TGFB2: variants seen among roughly 807,000 people sequenced by gnomAD.
TGFB2 encodes transforming growth factor beta 2, also known as transforming growth factor beta-2 proprotein.
In TGFB2, 13 loss-of-function variants were observed where a neutral mutation model predicts 42.7. The ratio of observed to expected loss-of-function variants is 0.30; its 90% CI spans 0.20 to 0.48. The LOEUF (loss-of-function observed/expected upper bound fraction) is 0.48. Among genes scored for constraint, TGFB2 ranks in the 20% least tolerant of loss-of-function variants. TGFB2 has a pLI of 0.99. For synonymous variants in TGFB2, 193 were observed against 193.6 expected (o/e 1.00, Z 0.03); for missense variants, 390 against 517.5 (o/e 0.75, Z 2.39).
chr1:218,405,343 TTTGTTGTTGTTGTTG>T lies in TGFB2; in HGVS notation c.510+29_510+43del, dbSNP rs10482769. 4.0e-6 allele frequency: 6 copies of T among 1,507,256 alleles called. No individual in the cohort carries two copies. The highest frequency in any genetic ancestry group is 3.6e-5 in the South Asian group (3 of 82,314). The allele number at this position is 1,507,256 out of a possible 1,614,324, so 93.4% of individuals were successfully genotyped here. Reference sequence around the variant, plus strand: ...ATTGAGCTATATCAGGTAATGTTCATTTGTTGTTGTTGTTGTTGTTGTTGTTGTTGTTTTAGACAG... The same window carrying T: ...ATTGAGCTATATCAGGTAATGTTCATTTGTTGTTGTTGTTGTTTTAGACAG... On this transcript the variant is annotated intron_variant, in intron 2 of 6. Coordinates refer to ENST00000366930, the MANE Select transcript of TGFB2 (RefSeq NM_003238.6).
At chr1:218,439,146 A>G (rs1408082723) in intron 6 of TGFB2, among the ~76,000 whole-genome samples, 1 of 151,066 alleles carries the variant, frequency 6.6e-6, no homozygotes, top group Non-Finnish European at 1.5e-5. Context: ...GGTCTAGATC[A>G]TGTAGTCTAG....
rs75705887 is a variant in TGFB2, at chr1:218,367,200, T to C, written c.346+20153T>C. 7.9e-5 allele frequency among the ~76,000 whole-genome samples: 12 copies of C among 152,232 alleles called. No individual in the cohort carries two copies. In the East Asian group the frequency reaches 1.7e-3, roughly 22 times the overall value. On this transcript the variant is annotated intron_variant, in intron 1 of 6. Coordinates refer to ENST00000366930, the MANE Select transcript of TGFB2 (RefSeq NM_003238.6). ...TAAGTGACACATACCATGTATAAGGTAATATGTAATTCCCTGAGGTAGCAT... is the reference window on the plus strand; with the variant it reads ...TAAGTGACACATACCATGTATAAGGCAATATGTAATTCCCTGAGGTAGCAT...
At chr1:218,388,297 G>T (rs1487106035) in intron 1 of TGFB2, among the ~76,000 whole-genome samples, 2 of 152,192 alleles carry the variant, frequency 1.3e-5, no homozygotes, top group Non-Finnish European at 2.9e-5. Flanking sequence ...CCTGCGTCAG[G>T]CCATCCTGAG....
At chr1:218,370,597 A>G (rs1657539807) in intron 1 of TGFB2, among the ~76,000 whole-genome samples, 1 of 152,182 alleles carries the variant, frequency 6.6e-6, no homozygotes, top group Admixed American at 6.5e-5. Context: ...ATTTGGCATT[A>G]TTTTATAAGC....
chr1:218,421,902 G>T (rs1455449580), intron 2 of TGFB2, among the ~76,000 whole-genome samples: 4 of 152,108 alleles, frequency 2.6e-5, no homozygotes, highest in African/African-American at 9.7e-5. Context: ...ACCAAAAATT[G>T]CCAGCAAACC....
chr1:218,395,188 A>G (rs1571866052), intron 1 of TGFB2, among the ~76,000 whole-genome samples: 1 of 152,288 alleles, frequency 6.6e-6, no homozygotes, highest in East Asian at 1.9e-4. Flanking sequence ...CTAGGCACCA[A>G]TGTATGGGGA....
At chr1:218,353,210 C>A (rs1240019975) in intron 1 of TGFB2, among the ~76,000 whole-genome samples, 2 of 152,184 alleles carry the variant, frequency 1.3e-5, no homozygotes, top group East Asian at 1.9e-4. Context: ...TGTCTTGGAA[C>A]CTCCAGCTCA....
intron 2 of TGFB2, among the ~76,000 whole-genome samples, chr1:218,408,300 G>A (rs576580222): frequency 6.6e-6 from 1 of 152,220 alleles, no homozygotes; most frequent in East Asian, 1.9e-4. Flanking sequence ...GCAACTTAGA[G>A]GACCTTAGTG....
At chr1:218,438,757 T>C (rs928613466) in intron 6 of TGFB2, among the ~76,000 whole-genome samples, 34 of 152,196 alleles carry the variant, frequency 2.2e-4, no homozygotes, top group African/African-American at 8.2e-4. Flanking sequence ...TTCCTCTTGA[T>C]GGCTCATCAG....
intron 1 of TGFB2, among the ~76,000 whole-genome samples, chr1:218,393,131 C>T (rs1658372192): frequency 6.6e-6 from 1 of 152,144 alleles, no homozygotes; most frequent in Non-Finnish European, 1.5e-5. Context: ...ACCCATTAAG[C>T]ATGTCAAAAG....
chr1:218,435,891 T>G (rs955377243), intron 4 of TGFB2, 79 bp from the exon 5 acceptor site: 5 of 1,442,702 alleles, frequency 3.5e-6, no homozygotes, highest in Admixed American at 4.2e-5. Context: ...TGTGACAATA[T>G]ACAAAGGAAA....
chr1:218,396,886 A>C (rs1658529102), intron 1 of TGFB2, among the ~76,000 whole-genome samples: 1 of 152,170 alleles, frequency 6.6e-6, no homozygotes, highest in Admixed American at 6.5e-5. Flanking sequence ...TCATAGAGGA[A>C]TCCTATTTTT....
intron 1 of TGFB2, among the ~76,000 whole-genome samples, chr1:218,390,194 G>A (rs184178515): frequency 5.3e-5 from 8 of 151,980 alleles, no homozygotes; most frequent in African/African-American, 1.4e-4. Flanking sequence ...CCCCCACCCC[G>A]GTCTACACAA....
chr1:218,422,872 A>G (rs549625192), intron 2 of TGFB2, among the ~76,000 whole-genome samples: 95 of 152,332 alleles, frequency 6.2e-4, no homozygotes, highest in African/African-American at 2.2e-3. Context: ...GAGGTATAAA[A>G]TAAAATCAAA....
intron 2 of TGFB2, among the ~76,000 whole-genome samples, chr1:218,418,927 A>G (rs538648260): frequency 7.2e-5 from 11 of 152,212 alleles, no homozygotes; most frequent in Admixed American, 2.0e-4. Context: ...AGTCCAATAA[A>G]CCTTTTTATT....
At chr1:218,366,440 A>G (rs1657389786) in intron 1 of TGFB2, among the ~76,000 whole-genome samples, 1 of 151,996 alleles carries the variant, frequency 6.6e-6, no homozygotes, top group Non-Finnish European at 1.5e-5. Flanking sequence ...CTGAGTAGCT[A>G]GGACCACAAG....
intron 1 of TGFB2, among the ~76,000 whole-genome samples, chr1:218,390,741 C>T (rs1658293663): frequency 6.6e-6 from 1 of 152,176 alleles, no homozygotes; most frequent in Non-Finnish European, 1.5e-5. Context: ...GAACATGATT[C>T]CTTAAAACAA....
At chr1:218,362,650 TG>T (rs1003931213) in intron 1 of TGFB2, among the ~76,000 whole-genome samples, 2 of 152,216 alleles carry the variant, frequency 1.3e-5, no homozygotes, top group African/African-American at 4.8e-5. Context: ...TGAGATATTT[TG>T]TGGGGGAGGG....
intron 2 of TGFB2, among the ~76,000 whole-genome samples, chr1:218,416,048 G>T (rs1659268262): frequency 6.6e-6 from 1 of 152,090 alleles, no homozygotes; most frequent in Non-Finnish European, 1.5e-5. Context: ...GACAGAGCAG[G>T]GTTTTGGGGA....
Sources: gnomAD v4.1 joint callset for allele counts (sites outside exome capture counted in the v4.1 genomes callset) on GRCh38, gnomAD v4.1.1 for gene constraint, MANE v1.5 for transcripts, NCBI Gene and HGNC (gene_info 2026-07-23, HGNC 2026-07-21) for gene names.